Variants in DACH1 observed in about 807,000 individuals in gnomAD.
The protein encoded by DACH1 is dachshund family transcription factor 1.
In DACH1, 12 loss-of-function variants were observed where a neutral mutation model predicts 54.2. The observed-to-expected ratio is 0.22, with a 90% CI of 0.14 to 0.36. The LOEUF (loss-of-function observed/expected upper bound fraction) is 0.36. Among genes scored for constraint, DACH1 ranks in the 10% least tolerant of loss-of-function variants. The pLI, the probability that DACH1 is intolerant of heterozygous loss-of-function variation, is 1.00. For missense variants in DACH1, 805 were observed against 929.8 expected, an observed-to-expected ratio of 0.87 and a Z score of 1.75; for synonymous variants, 386 against 366.2, an observed-to-expected ratio of 1.05 and a Z score of -0.62.
intron 6 of DACH1, among the ~76,000 whole-genome samples, chr13:71,551,188 T>C (rs934090382): frequency 1.3e-5 from 2 of 152,116 alleles, no homozygotes; most frequent in East Asian, 3.9e-4. Context: ...TATTGATACA[T>C]AATAGATGTA....
At chr13:71,573,088 C>G in intron 3 of DACH1, 76 bp from the exon 4 acceptor site, 2 of 1,404,350 alleles carry the variant, frequency 1.4e-6, no homozygotes, top group African/African-American at 1.4e-5. Context: ...CAAAAGTTTT[C>G]TAATAATGGT....
intron 3 of DACH1, among the ~76,000 whole-genome samples, chr13:71,614,692 A>G (rs1026638928): frequency 1.3e-5 from 2 of 152,002 alleles, no homozygotes; most frequent in Non-Finnish European, 1.5e-5. Context: ...CATCTCTACA[A>G]AAAATAAAAA....
At chr13:71,775,600 T>C (rs1198976426) in intron 1 of DACH1, among the ~76,000 whole-genome samples, 1 of 152,180 alleles carries the variant, frequency 6.6e-6, no homozygotes, top group East Asian at 1.9e-4. Context: ...TGTATTTATA[T>C]GTAACATTGT....
intron 1 of DACH1, among the ~76,000 whole-genome samples, chr13:71,786,020 T>A (rs1005366865): frequency 2.0e-5 from 3 of 151,752 alleles, no homozygotes; most frequent in Non-Finnish European, 4.4e-5. Context: ...ACAAGGCAAA[T>A]GTGAATAAAA....
chr13:71,692,190 T>C (rs1019350558), intron 1 of DACH1, among the ~76,000 whole-genome samples: 2 of 152,176 alleles, frequency 1.3e-5, no homozygotes, highest in Admixed American at 1.3e-4. Context: ...GTAAATCATA[T>C]TAACAGCAAT....
At chr13:71,838,026 G>GAAAAAAAAAAAAAAAAAAA (rs147673906) in intron 1 of DACH1, among the ~76,000 whole-genome samples, 1 of 49,826 alleles carries the variant, frequency 2.0e-5, no homozygotes, top group Admixed American at 3.4e-4. Flanking sequence ...AGGGGGGAGG[G>GAAAAAAAAAAAAAAAAAAA]AAAAAAAAAA....
intron 10 of DACH1, among the ~76,000 whole-genome samples, chr13:71,471,303 G>A (rs1369628109): frequency 6.6e-6 from 1 of 151,898 alleles, no homozygotes; most frequent in Non-Finnish European, 1.5e-5. Context: ...CTGGAGAAAG[G>A]CAGGCTTGGG....
intron 6 of DACH1, among the ~76,000 whole-genome samples, chr13:71,517,604 T>C (rs902780163): frequency 6.6e-6 from 1 of 151,844 alleles, no homozygotes; most frequent in African/African-American, 2.4e-5. Flanking sequence ...ACATGATAAA[T>C]ACCAAATAAA....
chr13:71,622,111 T>C (rs1876292919), intron 3 of DACH1, among the ~76,000 whole-genome samples: 1 of 152,008 alleles, frequency 6.6e-6, no homozygotes, highest in South Asian at 2.1e-4. Context: ...TCAACTACTA[T>C]ATTATTTATT....
intron 1 of DACH1, among the ~76,000 whole-genome samples, chr13:71,706,156 A>G (rs1460513632): frequency 2.0e-5 from 3 of 151,998 alleles, no homozygotes; most frequent in African/African-American, 7.2e-5. Context: ...AGAACCCTAT[A>G]TCATCTTAGA....
At chr13:71,837,728 T>G (rs1323170697) in intron 1 of DACH1, among the ~76,000 whole-genome samples, 1 of 148,188 alleles carries the variant, frequency 6.7e-6, no homozygotes, top group Non-Finnish European at 1.5e-5. Context: ...CGTATGTTTA[T>G]TGCGGCATTA....
intron 1 of DACH1, among the ~76,000 whole-genome samples, chr13:71,769,504 C>T (rs1396140416): frequency 2.0e-5 from 3 of 151,626 alleles, no homozygotes; most frequent in Non-Finnish European, 3.0e-5. Context: ...AATAAATCTA[C>T]ATTGTTATCA....
intron 1 of DACH1, among the ~76,000 whole-genome samples, chr13:71,744,085 T>C (rs1884510483): frequency 6.6e-6 from 1 of 152,182 alleles, no homozygotes; most frequent in Non-Finnish European, 1.5e-5. Context: ...GTCATTTTAC[T>C]AAAAGCATTG....
rs565197160 is a variant in DACH1, at chr13:71,596,110, T to A, written c.1127-23098A>T. Among the ~76,000 whole-genome samples, 3 of 152,192 alleles carry A rather than the reference T, an allele frequency of 2.0e-5. No homozygotes were observed. The South Asian group carries it at 6.2e-4, about 32-fold the overall frequency. Reference sequence around the variant, plus strand: ...CTAACATTCACATATATGTATTTTTTTTTTATTTCTGGAAGAATAAAATGG... The same window carrying A: ...CTAACATTCACATATATGTATTTTTATTTTATTTCTGGAAGAATAAAATGG... On this transcript the variant is annotated intron_variant, in intron 3 of 10. Transcript: ENST00000613252.
intron 1 of DACH1, among the ~76,000 whole-genome samples, chr13:71,737,628 G>T (rs939176418): frequency 1.3e-5 from 2 of 152,150 alleles, no homozygotes; most frequent in African/African-American, 4.8e-5. Flanking sequence ...TTTTGGAGGA[G>T]AGGGTTCTTT....
At chr13:71,666,834 C>T (rs187444015) in intron 2 of DACH1, among the ~76,000 whole-genome samples, 102 of 151,898 alleles carry the variant, frequency 6.7e-4, no homozygotes, top group African/African-American at 2.3e-3. Context: ...TACAAAAAAT[C>T]GGCTGGGTGT....
intron 1 of DACH1, among the ~76,000 whole-genome samples, chr13:71,831,606 GCTTAATAAT>G (rs997048091): frequency 5.3e-5 from 8 of 151,922 alleles, no homozygotes; most frequent in African/African-American, 1.9e-4. Context: ...CAAATGAACA[GCTTAATAAT>G]CTATCACAAA....
In DACH1 at chr13:71,478,330, A is replaced by G. The variant is rs187664031; in HGVS notation, c.1870+839T>C. ...CACTAACTGTTGCTTCGTAATAGCTAATAAAACAACCTGGTAAATCCTGCT... is the reference window on the plus strand; with the variant it reads ...CACTAACTGTTGCTTCGTAATAGCTGATAAAACAACCTGGTAAATCCTGCT... On this transcript the variant is annotated intron_variant, in intron 8 of 10. Coordinates refer to ENST00000613252, the MANE Select transcript of DACH1 (RefSeq NM_080759.6). Among the ~76,000 whole-genome samples, 22 of 152,344 alleles carry G rather than the reference A, an allele frequency of 1.4e-4. No individual in the cohort carries two copies. In the East Asian group the frequency reaches 4.2e-3, roughly 29 times the overall value.
intron 2 of DACH1, among the ~76,000 whole-genome samples, chr13:71,633,233 A>G (rs1410174198): frequency 6.6e-6 from 1 of 152,230 alleles, no homozygotes; most frequent in East Asian, 1.9e-4. Context: ...TATCTTGAAT[A>G]TAATTTTTTC....
Sources: gnomAD v4.1 joint callset for allele counts (sites outside exome capture counted in the v4.1 genomes callset) on GRCh38, gnomAD v4.1.1 for gene constraint, MANE v1.5 for transcripts, NCBI Gene and HGNC (gene_info 2026-07-23, HGNC 2026-07-21) for gene names.